Variants in BTF3 observed in about 807,000 individuals in gnomAD.
BTF3 encodes the protein basic transcription factor 3.
BTF3 carries 12 observed loss-of-function variants against 23.9 expected under a neutral mutation model. That is an observed-to-expected ratio of 0.50 (90% CI 0.32 to 0.81). The LOEUF (loss-of-function observed/expected upper bound fraction) is 0.81, where lower values mean the gene tolerates loss of function less well. BTF3 is among the 40% of genes least tolerant of loss of function. The pLI, the probability that BTF3 is intolerant of heterozygous loss-of-function variation, is 0.03. For synonymous variants in BTF3, 96 were observed against 94.8 expected, an observed-to-expected ratio of 1.01 and a Z score of -0.07; for missense variants, 215 against 255.9, an observed-to-expected ratio of 0.84 and a Z score of 1.09.
chr5:73,498,934 G>A, intron 1 of BTF3, 135 bp downstream of exon 1: 1 of 1,377,496 alleles, frequency 7.3e-7, no homozygotes, highest in South Asian at 1.4e-5. Context: ...AGAGCGGGGA[G>A]CTGTGGGGGA....
At chr5:73,502,684 T>G in intron 3 of BTF3, 83 bp downstream of exon 3, 2 of 1,051,928 alleles carry the variant, frequency 1.9e-6, no homozygotes, top group Non-Finnish European at 2.7e-6. Flanking sequence ...GTTGTTTTTT[T>G]TTTTTTTAAC....
In BTF3 at chr5:73,504,151, A is replaced by AT. The variant is rs376402341; in HGVS notation, c.518-192dup. ...ATTTTGTTTGTTGGCTGTTCCTAGT[A>AT]TTTTAACCCATTTGTAGACATTAGA... On this transcript the variant is annotated intron_variant, in intron 4 of 5. Transcript: ENST00000380591. Among the ~76,000 whole-genome samples, 936 of 151,040 alleles carry AT rather than the reference A, an allele frequency of 6.2e-3. 17 individuals are homozygous for AT. Among genetic ancestry groups the AT allele is most frequent in the African/African-American group, 0.022 (887 of 41,176 alleles).
rs1338243858 is a variant in BTF3 at position 73,499,188 on chromosome 5, C to T, written c.187C>T (p.Arg63Cys). The T allele has an allele frequency of 6.2e-7, 1 of 1,613,000 alleles. No individual in the cohort carries two copies. Residue 63 changes from arginine to cysteine, a missense_variant, in exon 2 of 6, where the codon CGC (arginine) becomes TGC (cysteine). Arg to Cys is a radical substitution (Grantham distance 180). This residue lies in a region of BTF3 where 116 missense variants were observed against 84.7 expected (regional missense o/e 1.37). Transcript: ENST00000380591. ...EKLAKLQAQV[R>C]IGGKGTARRK... ...ACTCGCCAAACTGCAGGCACAAGTG[C>T]GCATTGGTGGGAAAGTAAGTTTTAA...
chr5:73,504,584 G>A (rs1418282590), intron 5 of BTF3, 181 bp downstream of exon 5: 3 of 439,988 alleles, frequency 6.8e-6, no homozygotes, highest in Middle Eastern at 3.2e-4. Context: ...ACTTGACTTG[G>A]CTTGTTTCTG....
At chr5:73,502,735 A>T in intron 3 of BTF3, 134 bp downstream of exon 3, 1 of 836,556 alleles carries the variant, frequency 1.2e-6, no homozygotes. Flanking sequence ...TCTACCATAA[A>T]TTAATAAATA....
Position 73,502,601 on chromosome 5 carries a change from G to C in BTF3, c.315G>C (p.Glu105Asp). 1 of 1,579,436 alleles carries C rather than the reference G, an allele frequency of 6.3e-7. No homozygotes were observed. Among genetic ancestry groups the C allele is most frequent in the East Asian group, 2.2e-5 (1 of 44,590 alleles). ...TAAACAATATCTCTGGTATTGAAGAGGCAAGTATCAAATTTTGTTACTTTA... is the reference window on the plus strand; with the variant it reads ...TAAACAATATCTCTGGTATTGAAGACGCAAGTATCAAATTTTGTTACTTTA... ...LGVNNISGIE[E>D]VNMFTNQGTV... The change falls in exon 3 of 6, where the codon GAG (glutamate) becomes GAC (aspartate). Residue 105 changes from glutamate (E) to aspartate (D), a missense_variant and splice_region_variant. This residue lies in a region of BTF3 where 99 missense variants were observed against 171.2 expected (regional missense o/e 0.58). Transcript: ENST00000380591.
intron 4 of BTF3, 80 bp from the exon 5 acceptor site, chr5:73,504,267 C>CT (rs34051700): frequency 0.04 from 4,964 of 124,724 alleles, 132 homozygotes; most frequent in African/African-American, 0.054. Flanking sequence ...TTCATCTGTT[C>CT]TTTTTTTTTT....
chr5:73,499,138 A>C lies in BTF3; in HGVS notation c.137A>C (p.Lys46Thr). Residue 46 changes from lysine to threonine, a missense_variant, in exon 2 of 6, where the codon AAA becomes ACA. This residue lies in a region of BTF3 where 116 missense variants were observed against 84.7 expected (regional missense o/e 1.37). Coordinates refer to ENST00000380591, the MANE Select transcript of BTF3 (RefSeq NM_001037637.2). ...GAGGATTTCCTCTTTTTCTAGATGA[A>C]AGAAACAATCATGAACCAGGAAAAA... ...GGTRGQEPQM[K>T]ETIMNQEKLA... 2 of 1,607,992 alleles carry C rather than the reference A, an allele frequency of 1.2e-6. No individual in the cohort carries two copies. Among genetic ancestry groups the C allele is most frequent in the Non-Finnish European group, 1.7e-6 (2 of 1,178,734 alleles).
intron 2 of BTF3, 55 bp downstream of exon 2, chr5:73,499,257 A>C (rs770943776): frequency 1.3e-6 from 2 of 1,557,386 alleles, no homozygotes. Context: ...TAGGTATTTT[A>C]AAAAACATAT....
chr5:73,498,740 G>T lies in BTF3; in HGVS notation c.73G>T (p.Gly25Cys), dbSNP rs1398411592. ...RGRARGGCPGGEATLSQPPPR... is the reference protein window; with the variant it reads ...RGRARGGCPGCEATLSQPPPR... ...TCGAGCCAGGGGCGGCTGCCCTGGG[G>T]GCGAGGCGACGCTGTCTCAACCTCC... Residue 25 changes from glycine (G) to cysteine (C), a missense_variant, in exon 1 of 6, where the codon GGC becomes TGC. Physicochemically the swap from Gly to Cys is radical, Grantham distance 159. Around this residue, in one of 2 missense-constraint regions of BTF3, gnomAD observed 116 missense variants for 84.7 expected, o/e 1.37. Transcript: ENST00000380591. 11 of 1,491,986 alleles carry T rather than the reference G, an allele frequency of 7.4e-6. No homozygotes were observed. Among genetic ancestry groups the T allele is most frequent in the Non-Finnish European group, 8.8e-6 (10 of 1,131,424 alleles). The allele number at this position is 1,491,986 out of a possible 1,614,324, so 92.4% of individuals were successfully genotyped here.
intron 2 of BTF3, among the ~76,000 whole-genome samples, chr5:73,500,673 G>A (rs1394785329): frequency 5.9e-5 from 9 of 152,090 alleles, no homozygotes; most frequent in African/African-American, 1.4e-4. Flanking sequence ...CAGGTGTTAG[G>A]TGCTCTTAGG....
chr5:73,499,983 T>TG (rs1746396275), intron 2 of BTF3, among the ~76,000 whole-genome samples: 1 of 152,246 alleles, frequency 6.6e-6, no homozygotes, highest in Admixed American at 6.5e-5. Flanking sequence ...TGTCTTTACT[T>TG]GGTAAAACTT....
intron 5 of BTF3, 84 bp downstream of exon 5, chr5:73,504,487 G>T (rs1222178306): frequency 1.8e-6 from 2 of 1,092,270 alleles, no homozygotes; most frequent in Admixed American, 2.2e-5. Context: ...ACCCAGGGAA[G>T]AGGGGTGGTA....
At chr5:73,499,850 A>G (rs1746390530) in intron 2 of BTF3, among the ~76,000 whole-genome samples, 1 of 152,038 alleles carries the variant, frequency 6.6e-6, no homozygotes, top group Non-Finnish European at 1.5e-5. Context: ...TCTTTTTTGA[A>G]GCTGATTTTT....
chr5:73,503,947 T>G (rs897577811), intron 4 of BTF3, among the ~76,000 whole-genome samples: 15 of 152,214 alleles, frequency 9.9e-5, no homozygotes, highest in African/African-American at 3.4e-4. Flanking sequence ...TAAGTGGTTG[T>G]TGAGCATCAC....
In BTF3 at chr5:73,503,030, A is replaced by G; in HGVS notation, c.430A>G (p.Thr144Ala). 1.9e-6 allele frequency: 3 copies of G among 1,614,062 alleles called. No individual in the cohort carries two copies. Among genetic ancestry groups the G allele is most frequent in the Non-Finnish European group, 2.5e-6 (3 of 1,179,950 alleles). ...ITGHAETKQL[T>A]EMLPSILNQL... ...AGGCCATGCTGAGACAAAGCAGCTGACAGAAATGCTACCCAGCATCTTAAA... is the reference window on the plus strand; with the variant it reads ...AGGCCATGCTGAGACAAAGCAGCTGGCAGAAATGCTACCCAGCATCTTAAA... The change falls in exon 4 of 6, where the codon ACA becomes GCA. Residue 144 changes from threonine to alanine, a missense_variant. Thr to Ala is a moderately conservative substitution (Grantham distance 58). This residue lies in a region of BTF3 where 99 missense variants were observed against 171.2 expected (regional missense o/e 0.58). Coordinates refer to ENST00000380591, the MANE Select transcript of BTF3 (RefSeq NM_001037637.2).
chr5:73,498,983 C>G (rs1746366592), intron 1 of BTF3, 151 bp from the exon 2 acceptor site: 1 of 1,254,910 alleles, frequency 8.0e-7, no homozygotes, highest in African/African-American at 1.5e-5. Context: ...TCCCTGGAAA[C>G]CCAAATTTGG....
In BTF3 at chr5:73,498,716, C is replaced by G. The variant is rs370228487; in HGVS notation, c.49C>G (p.Arg17Gly). The change falls in exon 1 of 6, where the codon CGA becomes GGA. Residue 17 changes from arginine to glycine, a missense_variant. By Grantham distance (125) the Arg-to-Gly change is moderately radical. Coordinates refer to ENST00000380591, the MANE Select transcript of BTF3 (RefSeq NM_001037637.2). ...PAQADSRGRG[R>G]ARGGCPGGEA... Reference sequence around the variant, plus strand: ...TCAGGCTGACTCTCGGGGGCGAGGTCGAGCCAGGGGCGGCTGCCCTGGGGG... The same window carrying G: ...TCAGGCTGACTCTCGGGGGCGAGGTGGAGCCAGGGGCGGCTGCCCTGGGGG... 35 of 1,487,118 alleles carry G rather than the reference C, an allele frequency of 2.4e-5. No individual in the cohort carries two copies. Among genetic ancestry groups the G allele is most frequent in the Non-Finnish European group, 3.0e-5 (34 of 1,128,830 alleles). 92.1% of individuals were successfully genotyped at this position (1,487,118 alleles called of 1,614,324 possible).
At chr5:73,502,296 T>A (rs1490445134) in intron 2 of BTF3, among the ~76,000 whole-genome samples, 192 bp from the exon 3 acceptor site, 1 of 152,190 alleles carries the variant, frequency 6.6e-6, no homozygotes, top group Non-Finnish European at 1.5e-5. Flanking sequence ...TTTGAAAAGA[T>A]CATTCTTTTC....
Sources: gnomAD v4.1 joint callset for allele counts (sites outside exome capture counted in the v4.1 genomes callset) on GRCh38, gnomAD v4.1.1 for gene constraint, gnomAD v4.1.1 regional missense constraint, MANE v1.5 for transcripts, NCBI Gene and HGNC (gene_info 2026-07-23, HGNC 2026-07-21) for gene names.